DPP10: variants seen among roughly 807,000 people sequenced by gnomAD.
DPP10 encodes inactive dipeptidyl peptidase 10.
Under a neutral mutation model 120.9 loss-of-function variants are expected in DPP10, and 33 were observed. The observed-to-expected ratio is 0.27, with a 90% CI of 0.21 to 0.37. The LOEUF is 0.37. Among genes scored for constraint, DPP10 ranks in the 10% least tolerant of loss-of-function variants. The pLI is 1.00. For missense variants in DPP10, 816 were observed against 942.8 expected (o/e 0.87, Z 1.76); for synonymous variants, 337 against 326.1 (o/e 1.03, Z -0.36).
chr2:115,743,509 C>T (rs1307899442), intron 9 of DPP10, among the ~76,000 whole-genome samples: 1 of 152,166 alleles, frequency 6.6e-6, no homozygotes, highest in Non-Finnish European at 1.5e-5. Context: ...TAATTTCCCG[C>T]TTGCTTTAAT....
intron 1 of DPP10, among the ~76,000 whole-genome samples, chr2:115,279,808 C>T (rs147517491): frequency 6.6e-6 from 1 of 151,570 alleles, no homozygotes; most frequent in African/African-American, 2.4e-5. Context: ...ATTATAGATG[C>T]AGGGCACCAC....
intron 3 of DPP10, among the ~76,000 whole-genome samples, chr2:115,348,377 G>A (rs1038852789): frequency 6.6e-6 from 1 of 152,072 alleles, no homozygotes; most frequent in Non-Finnish European, 1.5e-5. Context: ...GATAGTATGT[G>A]ATATCACATT....
intron 1 of DPP10, among the ~76,000 whole-genome samples, chr2:114,990,111 A>T (rs1192508298): frequency 3.9e-5 from 6 of 152,178 alleles, no homozygotes; most frequent in Non-Finnish European, 7.4e-5. Flanking sequence ...TCTTGCATTA[A>T]TTATTAATAC....
At chr2:115,469,758 C>T (rs1331226874) in intron 3 of DPP10, among the ~76,000 whole-genome samples, 1 of 151,606 alleles carries the variant, frequency 6.6e-6, no homozygotes, top group South Asian at 2.1e-4. Flanking sequence ...AGTAGCCAGG[C>T]GTGGTGGCAC....
chr2:115,154,953 G>A lies in DPP10; in HGVS notation c.61-154286G>A, dbSNP rs966342932. 1.2e-4 allele frequency among the ~76,000 whole-genome samples: 18 copies of A among 150,388 alleles called. 1 individual carries two copies. Among genetic ancestry groups the A allele is most frequent in the South Asian group, 2.1e-4 (1 of 4,764 alleles). On this transcript the variant is annotated intron_variant, in intron 1 of 25. Transcript: ENST00000410059. ...GTCACCCAGGCTGGAGTGCAGTGGC[G>A]CCATCTTGGCTCACTGCAACCTCCG...
At chr2:115,516,653 C>T (rs529325452) in intron 4 of DPP10, among the ~76,000 whole-genome samples, 10 of 148,416 alleles carry the variant, frequency 6.7e-5, no homozygotes, top group African/African-American at 2.5e-4. Context: ...TTGTTGCTTG[C>T]ATCCTGTATC....
intron 1 of DPP10, among the ~76,000 whole-genome samples, chr2:114,912,137 C>G (rs1199689292): frequency 6.7e-6 from 1 of 148,380 alleles, no homozygotes; most frequent in African/African-American, 2.5e-5. Flanking sequence ...CATTTGCACT[C>G]ACACACACAC....
intron 3 of DPP10, among the ~76,000 whole-genome samples, chr2:115,361,454 G>T (rs1331162170): frequency 6.6e-6 from 1 of 151,998 alleles, no homozygotes; most frequent in Non-Finnish European, 1.5e-5. Flanking sequence ...GGCTTTGAGG[G>T]TGGTCAATGG....
intron 1 of DPP10, among the ~76,000 whole-genome samples, chr2:114,787,594 A>C (rs1301940108): frequency 6.6e-6 from 1 of 152,216 alleles, no homozygotes; most frequent in Non-Finnish European, 1.5e-5. Context: ...TAAAGCAATG[A>C]AGCTGATGGA....
At position 115,845,345 on chromosome 2, in the gene DPP10, T is replaced by C. The variant is rs746749070; in HGVS notation, c.*3000T>C. 11 of 152,256 alleles carry C rather than the reference T, an allele frequency of 7.2e-5. No individual in the cohort carries two copies. The highest frequency in any genetic ancestry group is 2.4e-4 in the African/African-American group (10 of 41,456). 9.4% of individuals were successfully genotyped at this position (152,256 alleles called of 1,614,324 possible). On this transcript the variant is annotated 3_prime_UTR_variant, in exon 26 of 26. Coordinates refer to ENST00000410059, the MANE Select transcript of DPP10 (RefSeq NM_020868.6). Reference sequence around the variant, plus strand: ...CTCTGCTCACTTTCACTTTCTGTTCTGGGGATTCTCTGATACTAATTTTGG... The same window carrying C: ...CTCTGCTCACTTTCACTTTCTGTTCCGGGGATTCTCTGATACTAATTTTGG...
intron 1 of DPP10, among the ~76,000 whole-genome samples, chr2:114,640,583 T>C (rs1695633924): frequency 6.6e-6 from 1 of 151,708 alleles, no homozygotes; most frequent in African/African-American, 2.4e-5. Context: ...GGCCATCAGA[T>C]TGTAGTGGTT....
At chr2:114,603,974 T>C (rs1426869775) in intron 1 of DPP10, among the ~76,000 whole-genome samples, 1 of 152,072 alleles carries the variant, frequency 6.6e-6, no homozygotes, top group Non-Finnish European at 1.5e-5. Flanking sequence ...GAAAGGTACA[T>C]GGGGCAAAGT....
intron 1 of DPP10, among the ~76,000 whole-genome samples, chr2:115,304,956 T>C (rs1001550036): frequency 2.6e-5 from 4 of 152,086 alleles, no homozygotes; most frequent in African/African-American, 9.7e-5. Flanking sequence ...GTAGATGTAA[T>C]GTAAATAGTT....
intron 4 of DPP10, among the ~76,000 whole-genome samples, chr2:115,500,276 C>T (rs570963682): frequency 6.6e-6 from 1 of 151,632 alleles, no homozygotes; most frequent in Non-Finnish European, 1.5e-5. Context: ...CTACCCAACA[C>T]CAACGAAAAA....
At chr2:115,306,076 A>T (rs562603530) in intron 1 of DPP10, among the ~76,000 whole-genome samples, 2 of 152,160 alleles carry the variant, frequency 1.3e-5, no homozygotes, top group South Asian at 4.1e-4. Context: ...TGTCATTATT[A>T]TTCCAGTTGT....
At chr2:115,720,818 T>C (rs1165861679) in intron 7 of DPP10, among the ~76,000 whole-genome samples, 35 of 152,260 alleles carry the variant, frequency 2.3e-4, no homozygotes, top group Admixed American at 2.3e-3. Context: ...AAAAATTAAA[T>C]GAAATCAAAT....
intron 1 of DPP10, among the ~76,000 whole-genome samples, chr2:114,608,746 A>G (rs1693036195): frequency 1.3e-5 from 2 of 152,070 alleles, no homozygotes; most frequent in African/African-American, 4.8e-5. Context: ...CTGTGATATG[A>G]ATGCAGTTGG....
intron 3 of DPP10, among the ~76,000 whole-genome samples, chr2:115,428,707 A>G (rs1348483974): frequency 1.3e-5 from 2 of 152,206 alleles, no homozygotes; most frequent in Non-Finnish European, 1.5e-5. Flanking sequence ...AGTGCCGTAA[A>G]GAAATAGCAC....
chr2:114,690,837 T>G (rs550802053), intron 1 of DPP10, among the ~76,000 whole-genome samples: 54 of 152,138 alleles, frequency 3.5e-4, no homozygotes, highest in African/African-American at 1.3e-3. Flanking sequence ...CAGTTTTGAA[T>G]GGGAGTTCAT....
Sources: allele counts gnomAD v4.1 joint callset (sites outside exome capture counted in the v4.1 genomes callset), GRCh38; gene constraint gnomAD v4.1.1; transcripts MANE v1.5; gene names NCBI Gene and HGNC (gene_info 2026-07-23, HGNC 2026-07-21).